Variants in CLRN2 observed in about 807,000 individuals in gnomAD.
CLRN2 encodes the protein clarin 2.
Under a neutral mutation model 20.1 loss-of-function variants are expected in CLRN2, and 17 were observed. The observed-to-expected ratio is 0.85, with a 90% CI of 0.58 to 1.27. CLRN2 has a LOEUF of 1.27. Ranked by LOEUF, CLRN2 falls within the 50% of genes most tolerant of loss-of-function variation. The probability of loss-of-function intolerance (pLI) is 0.00; values close to 1 mark genes in which losing one functional copy is unlikely to be tolerated. For missense variants in CLRN2, 288 were observed against 299.5 expected, an observed-to-expected ratio of 0.96 and a Z score of 0.28; for synonymous variants, 140 against 126.9, an observed-to-expected ratio of 1.10 and a Z score of -0.70.
chr4:17,523,715 T>C (rs956187591), intron 2 of CLRN2, among the ~76,000 whole-genome samples: 1 of 149,802 alleles, frequency 6.7e-6, no homozygotes, highest in Non-Finnish European at 1.5e-5. Context: ...AGAAGGGTAG[T>C]GTGAGCAAGA....
At chr4:17,520,165 A>G (rs768416893) in intron 1 of CLRN2, among the ~76,000 whole-genome samples, 18 of 152,118 alleles carry the variant, frequency 1.2e-4, no homozygotes, top group Non-Finnish European at 2.5e-4. Context: ...ACTTCCTACT[A>G]TGAAGGCCGA....
chr4:17,519,835 C>T (rs960970830), intron 1 of CLRN2, among the ~76,000 whole-genome samples: 28 of 152,256 alleles, frequency 1.8e-4, no homozygotes, highest in African/African-American at 6.3e-4. Context: ...ATTAACACTC[C>T]TGAGAAATGA....
rs750150122 is a variant in CLRN2 at position 17,527,067 on chromosome 4, G to A, written c.684G>A (p.Glu228=). The change falls in exon 3 of 3, where the codon GAG becomes GAA. Residue 228 remains glutamate (E), a synonymous_variant. Transcript: ENST00000511148. ...TCGAAGAGGCCACGGTCACAGCTGA[G>A]GATATCTTGTATTAATAGCCTTCCC... The part of the protein sequence containing the change: ...TKIEEATVTA[E]DILY 12 of 1,613,796 alleles carry A rather than the reference G, an allele frequency of 7.4e-6. No individual in the cohort carries two copies. Among genetic ancestry groups the A allele is most frequent in the Middle Eastern group, 1.6e-4 (1 of 6,084 alleles).
chr4:17,516,358 A>G (rs1359877924), intron 1 of CLRN2, among the ~76,000 whole-genome samples: 2 of 152,256 alleles, frequency 1.3e-5, no homozygotes, highest in Admixed American at 1.3e-4. Flanking sequence ...AATATTCTGC[A>G]AGCCTTTTGA....
rs1711630010 is a variant in CLRN2, at chr4:17,515,296, T to G, written c.30T>G (p.Tyr10Ter). The stretch of plus-strand genomic sequence containing the variant: ...CTGGATGGTTCAAAAAGGCGTGGTA[T>G]GGGCTGGCGTCTTTACTCAGCTTCT... The part of the protein sequence containing the change: MPGWFKKAW[Y>*]GLASLLSFSS... Residue 10 changes from tyrosine to a stop codon, truncating the protein, a stop_gained, in exon 1 of 3, where the codon TAT (tyrosine) becomes TAG (stop). Transcript: ENST00000511148. LOFTEE classifies it high-confidence loss of function. 6.2e-7 allele frequency: 1 copy of G among 1,613,858 alleles called. No individual in the cohort carries two copies. Among genetic ancestry groups the G allele is most frequent in the South Asian group, 1.1e-5 (1 of 91,088 alleles).
intron 2 of CLRN2, 31 bp from the exon 3 acceptor site, chr4:17,526,786 C>T (rs781675306): frequency 8.1e-6 from 13 of 1,609,472 alleles, no homozygotes; most frequent in African/African-American, 1.3e-5. Flanking sequence ...AAAAAGGAGC[C>T]GTGAATGAGG....
intron 1 of CLRN2, among the ~76,000 whole-genome samples, chr4:17,516,609 A>G (rs976169884): frequency 2.0e-5 from 3 of 152,248 alleles, no homozygotes; most frequent in African/African-American, 7.2e-5. Context: ...TACATTTGTT[A>G]TGTATATTCA....
intron 1 of CLRN2, among the ~76,000 whole-genome samples, chr4:17,522,106 T>C (rs1197590068): frequency 1.3e-5 from 2 of 151,990 alleles, no homozygotes; most frequent in Non-Finnish European, 2.9e-5. Flanking sequence ...GTATAAGGAG[T>C]TTATAAAATC....
intron 1 of CLRN2, among the ~76,000 whole-genome samples, chr4:17,518,498 C>T (rs187900773): frequency 4.2e-4 from 64 of 152,318 alleles, no homozygotes; most frequent in African/African-American, 1.4e-3. Context: ...CAGTGGCTCA[C>T]GCCTGTAATC....
At chr4:17,515,972 G>A (rs1469641686) in intron 1 of CLRN2, among the ~76,000 whole-genome samples, 2 of 152,176 alleles carry the variant, frequency 1.3e-5, no homozygotes, top group Admixed American at 6.5e-5. Flanking sequence ...CAGTAGAGCC[G>A]GACTCCAGAC....
chr4:17,521,873 G>T (rs1711844155), intron 1 of CLRN2, among the ~76,000 whole-genome samples: 1 of 152,218 alleles, frequency 6.6e-6, no homozygotes, highest in Non-Finnish European at 1.5e-5. Context: ...ATAAAAAGGT[G>T]TGGGTTTTCA....
At chr4:17,519,229 C>T (rs1711776970) in intron 1 of CLRN2, among the ~76,000 whole-genome samples, 1 of 152,096 alleles carries the variant, frequency 6.6e-6, no homozygotes, top group African/African-American at 2.4e-5. Flanking sequence ...ATAGATGCAT[C>T]ATATGCTGAT....
At chr4:17,526,368 T>A (rs1711975077) in intron 2 of CLRN2, among the ~76,000 whole-genome samples, 1 of 152,180 alleles carries the variant, frequency 6.6e-6, no homozygotes. Context: ...GAGACCAGCC[T>A]GGGCAACATG....
At chr4:17,517,290 A>T (rs1421598084) in intron 1 of CLRN2, among the ~76,000 whole-genome samples, 2 of 152,196 alleles carry the variant, frequency 1.3e-5, no homozygotes, top group African/African-American at 2.4e-5. Flanking sequence ...ATGTCAGAGA[A>T]CAACCTCATC....
In CLRN2 at chr4:17,526,908, C is replaced by T; in HGVS notation, c.525C>T (p.Leu175=). Residue 175 remains leucine (L), a synonymous_variant, in exon 3 of 3, where the codon CTC becomes CTT. Coordinates refer to ENST00000511148, the MANE Select transcript of CLRN2 (RefSeq NM_001079827.2). ...GAATCGCCAACTTTCAGGAGAAGCT[C>T]TTCCAGTTTGTGGTGGTGGAAGAAC... The part of the protein sequence containing the change: ...TERIANFQEK[L]FQFVVVEEQY... 6.2e-7 allele frequency: 1 copy of T among 1,614,032 alleles called. No individual in the cohort carries two copies.
At chr4:17,518,446 G>A (rs1159453489) in intron 1 of CLRN2, among the ~76,000 whole-genome samples, 1 of 152,160 alleles carries the variant, frequency 6.6e-6, no homozygotes, top group African/African-American at 2.4e-5. Flanking sequence ...GAACAAACCA[G>A]ACAAGTACTT....
intron 2 of CLRN2, among the ~76,000 whole-genome samples, chr4:17,526,270 G>C (rs1394429808): frequency 6.6e-6 from 1 of 152,188 alleles, no homozygotes; most frequent in Non-Finnish European, 1.5e-5. Context: ...GGAAAAATTG[G>C]AAGAGTGGGC....
intron 1 of CLRN2, among the ~76,000 whole-genome samples, chr4:17,519,055 T>C (rs1161046578): frequency 5.3e-5 from 8 of 152,258 alleles, no homozygotes; most frequent in African/African-American, 7.2e-5. Flanking sequence ...CTCACAGGTA[T>C]TCCACTAGTG....
chr4:17,518,622 G>A (rs1171678149), intron 1 of CLRN2, among the ~76,000 whole-genome samples: 8 of 152,084 alleles, frequency 5.3e-5, no homozygotes, highest in South Asian at 2.1e-4. Flanking sequence ...TTAGCCGGGC[G>A]TGGTGGCAGG....
Sources: allele counts gnomAD v4.1 joint callset (sites outside exome capture counted in the v4.1 genomes callset), GRCh38; gene constraint gnomAD v4.1.1; transcripts MANE v1.5; gene names NCBI Gene and HGNC (gene_info 2026-07-23, HGNC 2026-07-21).